UNC13A: variants seen among roughly 807,000 people sequenced by gnomAD.
UNC13A encodes protein unc-13 homolog A.
UNC13A carries 61 observed loss-of-function variants against 219.7 expected under a neutral mutation model. The observed-to-expected ratio is 0.28, with a 90% CI of 0.23 to 0.34. The LOEUF (loss-of-function observed/expected upper bound fraction) is 0.34, where lower values mean the gene tolerates loss of function less well. Among genes scored for constraint, UNC13A ranks in the 10% least tolerant of loss-of-function variants. UNC13A has a pLI of 1.00. For missense variants in UNC13A, 1,476 were observed against 2,270.3 expected (o/e 0.65, Z 7.11); for synonymous variants, 920 against 884.6 (o/e 1.04, Z -0.71).
At chr19:17,664,783 C>T (rs2079611370) in intron 7 of UNC13A, among the ~76,000 whole-genome samples, 1 of 152,116 alleles carries the variant, frequency 6.6e-6, no homozygotes, top group Admixed American at 6.6e-5. Flanking sequence ...AACAGGGTAC[C>T]CCAGCTGGAG....
chr19:17,636,278 G>T, intron 25 of UNC13A, 121 bp from the exon 26 acceptor site: 1 of 1,232,950 alleles, frequency 8.1e-7, no homozygotes, highest in Non-Finnish European at 1.1e-6. Context: ...GTATGGTTCA[G>T]GTAAGAAATC....
chr19:17,617,962 C>T, intron 40 of UNC13A, 113 bp from the exon 41 acceptor site: 2 of 1,397,120 alleles, frequency 1.4e-6, no homozygotes, highest in Non-Finnish European at 1.9e-6. Context: ...ACTTTCTCAC[C>T]TCTTCCTTTG....
chr19:17,634,312 C>A (rs1376562261), intron 26 of UNC13A, among the ~76,000 whole-genome samples: 2 of 152,084 alleles, frequency 1.3e-5, no homozygotes, highest in Admixed American at 1.3e-4. Context: ...ATCCATTTAC[C>A]CATCCATCTG....
chr19:17,655,734 C>G, intron 10 of UNC13A, 149 bp downstream of exon 10: 63 of 1,412,548 alleles, frequency 4.5e-5, no homozygotes, highest in Non-Finnish European at 5.8e-5. Flanking sequence ...CCTACTCTGC[C>G]CTGTCACCTC....
chr19:17,617,562 G>T, intron 41 of UNC13A, 140 bp downstream of exon 41: 1 of 1,287,580 alleles, frequency 7.8e-7, no homozygotes, highest in Non-Finnish European at 1.1e-6. Context: ...TCGCTCATTG[G>T]TCCCTGGACT....
chr19:17,675,939 C>T (rs61036582), intron 2 of UNC13A, 73 bp downstream of exon 2: 293,940 of 1,530,076 alleles, frequency 0.19, 29,400 homozygotes, highest in South Asian at 0.26. Context: ...GGCTGGGACC[C>T]CCTCCCAGTC....
chr19:17,626,472 C>G, intron 34 of UNC13A, 161 bp downstream of exon 34: 1 of 704,292 alleles, frequency 1.4e-6, no homozygotes, highest in Non-Finnish European at 2.2e-6. Context: ...TTTACCCACC[C>G]AACTTTCCAT....
intron 5 of UNC13A, 26 bp from the exon 6 acceptor site, chr19:17,668,216 C>T (rs1020454146): frequency 6.2e-7 from 1 of 1,605,566 alleles, no homozygotes; most frequent in Non-Finnish European, 8.5e-7. Context: ...TGTCTGTGAG[C>T]CTGGAAGACC....
rs1555778064 is a variant in UNC13A, at chr19:17,624,987, G to T, written c.4074-35C>A. The T allele has an allele frequency of 3.1e-6, 5 of 1,599,338 alleles. No individual in the cohort carries two copies. The South Asian group carries it at 5.6e-5, about 18-fold the overall frequency. On this transcript the variant is annotated intron_variant, in intron 34 of 43. Coordinates refer to ENST00000519716, the MANE Select transcript of UNC13A (RefSeq NM_001080421.3). Reference sequence around the variant, plus strand: ...AGGGGCAGGTCTGAGAGAGGGCCCAGCTCGCCCCCACCCACAGATCACCTT... The same window carrying T: ...AGGGGCAGGTCTGAGAGAGGGCCCATCTCGCCCCCACCCACAGATCACCTT...
intron 16 of UNC13A, among the ~76,000 whole-genome samples, chr19:17,647,978 C>T: frequency 6.7e-6 from 1 of 149,816 alleles, no homozygotes; most frequent in Non-Finnish European, 1.5e-5. Context: ...AGACCCCTCC[C>T]TTTCTCTTGG....
In UNC13A at chr19:17,681,951, ATTTTTT is replaced by A. The variant is rs397859270; in HGVS notation, c.23-5916_23-5911del. ...TCCATTAATAAAAACATCATCATTG[ATTTTTT>A]TTTTTTTTTTTTTTTGACGGAGTCT... On this transcript the variant is annotated intron_variant, in intron 1 of 43. Transcript: ENST00000519716. 6.6e-3 allele frequency among the ~76,000 whole-genome samples: 873 copies of A among 132,908 alleles called. 3 individuals are homozygous for A. Among genetic ancestry groups the A allele is most frequent in the African/African-American group, 0.019 (683 of 36,740 alleles). The allele number at this position is 132,908 out of a possible 152,430, so 87.2% of individuals were successfully genotyped here. A position where few individuals can be genotyped will look rare whatever the true frequency, so the allele number is the denominator to read the frequency against.
chr19:17,613,340 T>C (rs936729087), intron 41 of UNC13A, among the ~76,000 whole-genome samples: 5 of 151,850 alleles, frequency 3.3e-5, no homozygotes, highest in African/African-American at 1.2e-4. Flanking sequence ...TCCCAGCTGG[T>C]TGAGGCTGCA....
chr19:17,681,069 C>CTTTTT (rs71929988), intron 1 of UNC13A, among the ~76,000 whole-genome samples: 35 of 96,068 alleles, frequency 3.6e-4, no homozygotes, highest in African/African-American at 8.4e-4. Flanking sequence ...TTGGCTATTC[C>CTTTTT]TTTTTTTTTT....
At chr19:17,630,322 G>A (rs1431982731) in intron 29 of UNC13A, 34 bp from the exon 30 acceptor site, 7 of 1,554,222 alleles carry the variant, frequency 4.5e-6, no homozygotes, top group African/African-American at 2.7e-5. Context: ...GGAAGGAGGA[G>A]ATCAGCACCA....
rs769203822 is a variant in UNC13A, at chr19:17,606,353, T to G, written c.4813A>C (p.Thr1605Pro). The change falls in exon 44 of 44, where the codon ACG becomes CCG. Residue 1605 changes from threonine (T) to proline (P), a missense_variant and splice_region_variant. Thr to Pro is a conservative substitution (Grantham distance 38). Coordinates refer to ENST00000519716, the MANE Select transcript of UNC13A (RefSeq NM_001080421.3). ...TCGGGACCCGCGTCGGCGCTCAGCG[T>G]GCTGCGTGGGGAGGGGCGGAACGTG... ...APKYNESFQF[T>P]LSADAGPECY... 8 of 1,543,668 alleles carry G rather than the reference T, an allele frequency of 5.2e-6. No individual in the cohort carries two copies. In the East Asian group the frequency reaches 2.0e-4, roughly 38 times the overall value.
chr19:17,634,634 C>T (rs1468617014), intron 26 of UNC13A, among the ~76,000 whole-genome samples: 1 of 152,000 alleles, frequency 6.6e-6, no homozygotes, highest in Non-Finnish European at 1.5e-5. Flanking sequence ...GCTGCCACAC[C>T]TGGCCCATCC....
chr19:17,655,833 C>T (rs2079439185), intron 10 of UNC13A, 50 bp downstream of exon 10: 2 of 1,470,408 alleles, frequency 1.4e-6, no homozygotes, highest in African/African-American at 1.4e-5. Context: ...GCCCTGCTGA[C>T]CCTGTGACCT....
intron 36 of UNC13A, 62 bp downstream of exon 36, chr19:17,623,480 G>A: frequency 1.4e-6 from 2 of 1,436,766 alleles, no homozygotes; most frequent in South Asian, 2.6e-5. Flanking sequence ...CAGCGACGCG[G>A]TGGGCCGAGT....
chr19:17,628,282 G>A, intron 31 of UNC13A: 1 of 321,010 alleles, frequency 3.1e-6, no homozygotes, highest in Non-Finnish European at 5.9e-6. Flanking sequence ...GGCTTCATTT[G>A]CAACAGCCAG....
Sources: allele counts gnomAD v4.1 joint callset (sites outside exome capture counted in the v4.1 genomes callset), GRCh38; gene constraint gnomAD v4.1.1; transcripts MANE v1.5; gene names NCBI Gene and HGNC (gene_info 2026-07-23, HGNC 2026-07-21).